The following OR10D3 variants were observed in gnomAD, a reference collection of about 807,000 sequenced individuals.
OR10D3 encodes olfactory receptor 10D3.
For missense variants in OR10D3, 286 were observed against 153.7 expected, an observed-to-expected ratio of 1.86 and a Z score of -4.55; for synonymous variants, 100 against 57.6, an observed-to-expected ratio of 1.74 and a Z score of -3.33.
exon 2 of OR10D3, chr11:124,185,778 G>A (rs1233997351): frequency 1.4e-6 from 1 of 703,624 alleles, no homozygotes; most frequent in Non-Finnish European, 2.6e-6. Context: ...CCATACTGTG[G>A]TCCCAATGAA....
At chr11:124,185,969 C>T (rs1291450737) in exon 2 of OR10D3, 9 of 703,348 alleles carry the variant, frequency 1.3e-5, no homozygotes, top group Middle Eastern at 2.3e-4. Flanking sequence ...AACTGAGGGC[C>T]GTCGCCGTGC....
rs1050919158 is a variant in OR10D3 at position 124,185,854 on chromosome 11, C to T, written c.585C>T (p.Ala195=). The T allele has an allele frequency of 1.7e-5, 12 of 703,376 alleles. No homozygotes were observed. The African/African-American group carries it at 1.9e-4, about 11-fold the overall frequency. The allele number at this position is 703,376 out of a possible 1,614,324, so 43.6% of individuals were successfully genotyped here. ...TGGCCTGTGCTGACACATCCTTAGC[C>T]CAGAGGGTGAGCTTCACCAACGTTG... is the stretch of plus-strand genomic sequence containing the variant. The change falls in exon 2 of 2, where the codon GCC becomes GCT. Residue 195 remains alanine, a synonymous_variant. Transcript: ENST00000641351.
chr11:124,185,780 C>A, exon 2 of OR10D3: 1 of 703,664 alleles, frequency 1.4e-6, no homozygotes, highest in South Asian at 1.5e-5. Context: ...ATACTGTGGT[C>A]CCAATGAAGT....
exon 2 of OR10D3, chr11:124,186,333 C>A: frequency 1.7e-6 from 1 of 600,916 alleles, no homozygotes; most frequent in Non-Finnish European, 3.0e-6. Context: ...ATGATATGGA[C>A]CATTATGCTA....
At chr11:124,184,740 G>A (rs980921170) in intron 1 of OR10D3, among the ~76,000 whole-genome samples, 1 of 152,146 alleles carries the variant, frequency 6.6e-6, no homozygotes, top group African/African-American at 2.4e-5. Context: ...TTAGATGAAC[G>A]GAGATCATGT....
At chr11:124,185,189 A>G (rs1266943054) in intron 1 of OR10D3, 70 bp from the exon 2 acceptor site, 12 of 617,436 alleles carry the variant, frequency 1.9e-5, no homozygotes, top group Non-Finnish European at 3.5e-5. Context: ...TTATTTCTCC[A>G]GTATGTTCAC....
rs1429478755 is a variant in OR10D3, at chr11:124,186,981, AG to A, written c.*774del. On this transcript the variant is annotated 3_prime_UTR_variant, in exon 2 of 2. Transcript: ENST00000641351. ...TTGATTCAAGGAGCCCCGAGACTCC[AG>A]TGAATTTATCCTGAGATTTCCATGT... 5 of 152,232 alleles carry A rather than the reference AG, an allele frequency of 3.3e-5. No individual in the cohort carries two copies. In the East Asian group the frequency reaches 9.6e-4, roughly 29 times the overall value. The allele number at this position is 152,232 out of a possible 1,614,324, so 9.4% of individuals were successfully genotyped here.
chr11:124,184,576 C>T (rs566433091), intron 1 of OR10D3, among the ~76,000 whole-genome samples: 30 of 152,020 alleles, frequency 2.0e-4, no homozygotes, highest in African/African-American at 6.0e-4. Context: ...CATCCAGACC[C>T]GGGGGAAAGA....
chr11:124,184,373 T>C (rs950726797), intron 1 of OR10D3: 1 of 152,152 alleles, frequency 6.6e-6, no homozygotes, highest in African/African-American at 2.4e-5. Context: ...ACACAAAAAA[T>C]ATTTACTCTC....
At chr11:124,186,964 A>G (rs911457983) in exon 2 of OR10D3, 3 of 152,230 alleles carry the variant, frequency 2.0e-5, no homozygotes, top group African/African-American at 7.2e-5. Context: ...ACTTGATTCA[A>G]GGAGCCCCGA....
exon 2 of OR10D3, chr11:124,185,942 A>G (rs779380623): frequency 6.4e-5 from 45 of 703,126 alleles, no homozygotes; most frequent in African/African-American, 4.5e-4. Context: ...CACAATATCT[A>G]TCTTAAGCAT....
exon 2 of OR10D3, chr11:124,186,768 G>C (rs1245298579): frequency 6.6e-6 from 1 of 152,314 alleles, no homozygotes; most frequent in Non-Finnish European, 1.5e-5. Context: ...TGATTGCTCT[G>C]TCTAAACATT....
exon 2 of OR10D3, chr11:124,185,382 C>G (rs751780159): frequency 2.8e-6 from 2 of 703,168 alleles, no homozygotes; most frequent in South Asian, 3.0e-5. Context: ...TATGCCTGCA[C>G]TCTACTGGGA....
At chr11:124,185,967 G>T (rs746443504) in exon 2 of OR10D3, 1 of 703,194 alleles carries the variant, frequency 1.4e-6, no homozygotes, top group African/African-American at 1.7e-5. Context: ...ACAACTGAGG[G>T]CCGTCGCCGT....
At chr11:124,185,658 T>A in exon 2 of OR10D3, 1 of 703,686 alleles carries the variant, frequency 1.4e-6, no homozygotes, top group Non-Finnish European at 2.6e-6. Context: ...TGTTATCCTC[T>A]GCGATACACA....
chr11:124,185,285 T>A (rs1369624431), exon 2 of OR10D3: 1 of 703,080 alleles, frequency 1.4e-6, no homozygotes, highest in Non-Finnish European at 2.6e-6. Flanking sequence ...GGTGAAGAAC[T>A]GCTGCATGGT....
At chr11:124,183,451 TTTC>T (rs1156336403) in intron 1 of OR10D3, 68 bp downstream of exon 1, 1 of 150,926 alleles carries the variant, frequency 6.6e-6, no homozygotes, top group African/African-American at 2.5e-5. Flanking sequence ...TCTCTCTCTC[TTTC>T]TCTCTCTTTC....
chr11:124,186,191 C>A (rs1861224467), exon 2 of OR10D3: 1 of 700,590 alleles, frequency 1.4e-6, no homozygotes, highest in East Asian at 2.7e-5. Context: ...CAGGACAGGC[C>A]ATGTTCCTGA....
Position 124,185,082 on chromosome 11 carries a change from A to G in OR10D3, c.-11-177A>G, listed in dbSNP as rs570536277. 535 of 569,194 alleles carry G rather than the reference A, an allele frequency of 9.4e-4. 2 individuals are homozygous for G. The highest frequency in any genetic ancestry group is 1.5e-3 in the Non-Finnish European group (470 of 321,834). The allele number at this position is 569,194 out of a possible 1,614,324, so 35.3% of individuals were successfully genotyped here. ...ATTTGCTACAGAAATGTAGTTGGCT[A>G]TGGCGGTTACATTCCAAGGATAATG... On this transcript the variant is annotated intron_variant, in intron 1 of 1. Transcript: ENST00000641351.
Sources: allele counts gnomAD v4.1 joint callset (sites outside exome capture counted in the v4.1 genomes callset), GRCh38; gene constraint gnomAD v4.1.1; transcripts MANE v1.5; gene names NCBI Gene and HGNC (gene_info 2026-07-23, HGNC 2026-07-21).